The following TNFSF4 variants were observed in gnomAD, a reference collection of about 807,000 sequenced individuals.
TNFSF4 encodes tumor necrosis factor ligand superfamily member 4.
A neutral mutation model predicts 7.3 loss-of-function variants in TNFSF4; 4 were observed. That is an observed-to-expected ratio of 0.55 (90% CI 0.27 to 1.25). The LOEUF is 1.25. Among genes scored for constraint, TNFSF4 ranks in the 50% most tolerant of loss-of-function variants. The probability of loss-of-function intolerance (pLI) is 0.12; values close to 1 mark genes in which losing one functional copy is unlikely to be tolerated. For missense variants in TNFSF4, 181 were observed against 208.8 expected, an observed-to-expected ratio of 0.87 and a Z score of 0.82; for synonymous variants, 76 against 83.7, an observed-to-expected ratio of 0.91 and a Z score of 0.50.
the TNFSF4 span, among the ~76,000 whole-genome samples, chr1:173,336,658 C>T: frequency 1.3e-5 from 2 of 152,094 alleles, no homozygotes; most frequent in South Asian, 2.1e-4. Flanking sequence ...ATATCACATT[C>T]GTCCATTACA....
At chr1:173,371,114 G>A in the TNFSF4 span, among the ~76,000 whole-genome samples, 7 of 152,140 alleles carry the variant, frequency 4.6e-5, no homozygotes, top group African/African-American at 1.2e-4. Context: ...CCCCAGGTAC[G>A]TTTGACCATT....
chr1:173,376,196 C>A, the TNFSF4 span, among the ~76,000 whole-genome samples: 5 of 152,152 alleles, frequency 3.3e-5, no homozygotes, highest in African/African-American at 1.2e-4. Context: ...TGGAACCAAC[C>A]CAAATGCCCA....
the TNFSF4 span, among the ~76,000 whole-genome samples, chr1:173,334,508 G>A: frequency 6.6e-6 from 1 of 152,170 alleles, no homozygotes; most frequent in South Asian, 2.1e-4. Context: ...TAGCCACAGG[G>A]TTGAGATTGA....
At chr1:173,316,369 G>A in the TNFSF4 span, among the ~76,000 whole-genome samples, 1 of 152,020 alleles carries the variant, frequency 6.6e-6, no homozygotes, top group Admixed American at 6.6e-5. Context: ...TTGGTTAGAT[G>A]GGATGAAAAG....
At chr1:173,417,383 T>C in the TNFSF4 span, among the ~76,000 whole-genome samples, 20 of 152,232 alleles carry the variant, frequency 1.3e-4, no homozygotes, top group Non-Finnish European at 2.6e-4. Context: ...AAGTCTTCAA[T>C]AAACAAGAAC....
the TNFSF4 span, among the ~76,000 whole-genome samples, chr1:173,329,127 C>A: frequency 6.6e-6 from 1 of 152,136 alleles, no homozygotes; most frequent in Admixed American, 6.5e-5. Flanking sequence ...GAAAGAACAA[C>A]AAAACTGCTT....
At chr1:173,219,545 A>C in the TNFSF4 span, among the ~76,000 whole-genome samples, 1 of 152,160 alleles carries the variant, frequency 6.6e-6, no homozygotes, top group African/African-American at 2.4e-5. Context: ...CCCCACAGGA[A>C]AAGAAGTCAT....
At chr1:173,332,531 AAAAT>A in the TNFSF4 span, among the ~76,000 whole-genome samples, 2 of 151,954 alleles carry the variant, frequency 1.3e-5, no homozygotes, top group Non-Finnish European at 2.9e-5. Flanking sequence ...ACTCTGTCTC[AAAAT>A]AAATAAATTA....
the TNFSF4 span, among the ~76,000 whole-genome samples, chr1:173,399,265 C>T: frequency 6.6e-6 from 1 of 152,216 alleles, no homozygotes; most frequent in African/African-American, 2.4e-5. Context: ...ATGCAAAGTT[C>T]TCTAAGAACA....
the TNFSF4 span, among the ~76,000 whole-genome samples, chr1:173,371,017 G>C: frequency 6.6e-6 from 1 of 152,200 alleles, no homozygotes; most frequent in African/African-American, 2.4e-5. Flanking sequence ...ATGGTTCTCT[G>C]GGCCAGAAGC....
the TNFSF4 span, among the ~76,000 whole-genome samples, chr1:173,324,979 T>C: frequency 8.5e-5 from 13 of 152,168 alleles, no homozygotes; most frequent in East Asian, 5.8e-4. Flanking sequence ...AACAAGGATA[T>C]CCAGGAATTG....
the TNFSF4 span, among the ~76,000 whole-genome samples, chr1:173,271,568 A>AT: frequency 6.6e-6 from 1 of 152,214 alleles, no homozygotes; most frequent in Non-Finnish European, 1.5e-5. Context: ...AAACGAAGAC[A>AT]TTTATGCAGC....
intron 1 of TNFSF4, among the ~76,000 whole-genome samples, chr1:173,198,138 A>G (rs1393185791): frequency 1.3e-5 from 2 of 152,218 alleles, no homozygotes; most frequent in Non-Finnish European, 2.9e-5. Flanking sequence ...CTGATTTGCT[A>G]TATAACAAGG....
the TNFSF4 span, among the ~76,000 whole-genome samples, chr1:173,249,605 G>T: frequency 1.3e-5 from 2 of 152,162 alleles, no homozygotes; most frequent in Non-Finnish European, 2.9e-5. Context: ...GTCAGTGGGT[G>T]GACCTGGGCA....
chr1:173,363,533 G>T, the TNFSF4 span: 1 of 476,652 alleles, frequency 2.1e-6, no homozygotes, highest in South Asian at 1.7e-5. Flanking sequence ...AGATTCTTAA[G>T]AGCACAAAAT....
the TNFSF4 span, among the ~76,000 whole-genome samples, chr1:173,420,431 T>C: frequency 2.0e-5 from 3 of 152,332 alleles, no homozygotes; most frequent in East Asian, 5.8e-4. Flanking sequence ...CTTACTGTCA[T>C]GACGCGGCCT....
upstream of TNFSF4, among the ~76,000 whole-genome samples, chr1:173,209,589 G>A (rs938352761): frequency 1.5e-4 from 23 of 152,014 alleles, no homozygotes; most frequent in African/African-American, 4.1e-4. Flanking sequence ...ACTGTAATCC[G>A]GAACTCCTGG....
At chr1:173,318,944 G>T in the TNFSF4 span, among the ~76,000 whole-genome samples, 1 of 152,170 alleles carries the variant, frequency 6.6e-6, no homozygotes, top group Non-Finnish European at 1.5e-5. Flanking sequence ...TGAGCTAGCT[G>T]CAGGAGTTAT....
chr1:173,174,756 C>T, the TNFSF4 span, among the ~76,000 whole-genome samples: 1 of 152,120 alleles, frequency 6.6e-6, no homozygotes. Context: ...GACACAGAGC[C>T]AAACCATATC....
Sources: allele counts gnomAD v4.1 joint callset (sites outside exome capture counted in the v4.1 genomes callset), GRCh38; gene constraint gnomAD v4.1.1; transcripts MANE v1.5; gene names NCBI Gene and HGNC (gene_info 2026-07-23, HGNC 2026-07-21).